The following PARPBP variants were observed in gnomAD, a reference collection of about 807,000 sequenced individuals.
PARPBP encodes the protein PCNA-interacting partner.
PARPBP carries 52 observed loss-of-function variants against 50.0 expected under a neutral mutation model. The observed-to-expected ratio is 1.04, with a 90% CI of 0.83 to 1.31. PARPBP has a LOEUF of 1.31. Ranked by LOEUF, PARPBP falls within the 50% of genes most tolerant of loss-of-function variation. The pLI is 0.00. For synonymous variants in PARPBP, 244 were observed against 232.1 expected (o/e 1.05, Z -0.47); for missense variants, 697 against 672.0 (o/e 1.04, Z -0.41).
intron 2 of PARPBP, among the ~76,000 whole-genome samples, chr12:102,142,654 C>T (rs1884791282): frequency 1.3e-5 from 2 of 152,150 alleles, no homozygotes; most frequent in East Asian, 1.9e-4. Context: ...ATGAAGGTGA[C>T]GTACAGATGA....
At chr12:102,121,812 C>T (rs1881172897) in intron 1 of PARPBP, among the ~76,000 whole-genome samples, 1 of 152,114 alleles carries the variant, frequency 6.6e-6, no homozygotes, top group Non-Finnish European at 1.5e-5. Context: ...GCTGGGATTA[C>T]AAGTGTGAAC....
At chr12:102,137,747 A>G (rs1883877835) in intron 2 of PARPBP, among the ~76,000 whole-genome samples, 1 of 151,658 alleles carries the variant, frequency 6.6e-6, no homozygotes, top group East Asian at 1.9e-4. Flanking sequence ...GAGTCAGATC[A>G]TGCAGCGTTT....
chr12:102,155,896 C>A (rs1216455872), intron 4 of PARPBP, among the ~76,000 whole-genome samples: 1 of 152,192 alleles, frequency 6.6e-6, no homozygotes, highest in Non-Finnish European at 1.5e-5. Context: ...GCCATTGTTC[C>A]TGCATGGCTA....
intron 2 of PARPBP, 99 bp from the exon 3 acceptor site, chr12:102,148,131 T>G (rs1885659687): frequency 1.8e-6 from 1 of 544,026 alleles, no homozygotes; most frequent in Non-Finnish European, 3.1e-6. Flanking sequence ...AATGTAGACT[T>G]TACCAAAATT....
chr12:102,163,044 TAAGTTG>T (rs1594564001), intron 4 of PARPBP, among the ~76,000 whole-genome samples: 1 of 152,212 alleles, frequency 6.6e-6, no homozygotes, highest in African/African-American at 2.4e-5. Flanking sequence ...GTGTGAAGTT[TAAGTTG>T]AAGTTCATGT....
chr12:102,158,282 G>C (rs1249118884), intron 4 of PARPBP, among the ~76,000 whole-genome samples: 1 of 151,814 alleles, frequency 6.6e-6, no homozygotes, highest in Non-Finnish European at 1.5e-5. Flanking sequence ...ACCAATTTAG[G>C]GGTTAGTGTA....
intron 4 of PARPBP, among the ~76,000 whole-genome samples, chr12:102,155,600 G>GC (rs879448493): frequency 3.2e-5 from 4 of 125,222 alleles, no homozygotes; most frequent in African/African-American, 5.7e-5. Context: ...ATGGTGGGGG[G>GC]GGGGGGCGGG....
rs1885725123 is a variant in PARPBP, at chr12:102,148,435, A to C, written c.359A>C (p.Asn120Thr). 3 of 1,460,690 alleles carry C rather than the reference A, an allele frequency of 2.1e-6. No homozygotes were observed. The highest frequency in any genetic ancestry group is 4.6e-5 in the East Asian group (2 of 43,638). The allele number at this position is 1,460,690 out of a possible 1,614,324, so 90.5% of individuals were successfully genotyped here. A position where few individuals can be genotyped will look rare whatever the true frequency, so the allele number is the denominator to read the frequency against. Residue 120 changes from asparagine (N) to threonine (T), a missense_variant, in exon 3 of 11, where the codon AAT (asparagine) becomes ACT (threonine). Coordinates refer to ENST00000327680, the MANE Select transcript of PARPBP (RefSeq NM_017915.5). ...CAAAAATGTAGGGCTTTGACTTCTA[A>C]TTGTGAAAATTATAACACAGTATCT... The part of the protein sequence containing the change: ...VYQKCRALTS[N>T]CENYNTVSPS...
At chr12:102,143,077 C>T (rs1884865617) in intron 2 of PARPBP, among the ~76,000 whole-genome samples, 1 of 152,190 alleles carries the variant, frequency 6.6e-6, no homozygotes, top group African/African-American at 2.4e-5. Context: ...CAGCTATGCC[C>T]CGCCCTCAGA....
chr12:102,183,998 G>A (rs369916733), intron 9 of PARPBP, among the ~76,000 whole-genome samples: 4 of 129,874 alleles, frequency 3.1e-5, no homozygotes, highest in Admixed American at 8.7e-5. Flanking sequence ...GGGAGGTGGA[G>A]ATCACACCAC....
intron 4 of PARPBP, chr12:102,155,303 CA>C: frequency 6.5e-6 from 1 of 153,280 alleles, no homozygotes; most frequent in Non-Finnish European, 1.4e-5. Flanking sequence ...AAAAACAAAA[CA>C]AAAAAACCAT....
chr12:102,152,615 G>A (rs1390881219), intron 3 of PARPBP, among the ~76,000 whole-genome samples: 1 of 151,998 alleles, frequency 6.6e-6, no homozygotes, highest in Non-Finnish European at 1.5e-5. Context: ...TTATTATCTG[G>A]TTATAAAATT....
chr12:102,183,433 T>TA (rs1445071329), intron 9 of PARPBP, among the ~76,000 whole-genome samples: 30 of 152,296 alleles, frequency 2.0e-4, no homozygotes, highest in African/African-American at 7.0e-4. Flanking sequence ...TTTTAGTTAA[T>TA]ACCTGTTTCA....
At chr12:102,133,180 A>G (rs939633087) in intron 2 of PARPBP, among the ~76,000 whole-genome samples, 2 of 152,076 alleles carry the variant, frequency 1.3e-5, no homozygotes, top group Non-Finnish European at 2.9e-5. Flanking sequence ...TTCTAGTACT[A>G]TGTTGAATAG....
Position 102,196,319 on chromosome 12 carries a change from T to C in PARPBP, c.*28T>C, listed in dbSNP as rs918591722. ...TTGTGTCTTATATGCTTTAGGTTTA[T>C]GTATCTATAAACCATTCACCAAAGA... On this transcript the variant is annotated 3_prime_UTR_variant, in exon 11 of 11. Transcript: ENST00000327680. 2.2e-6 allele frequency: 3 copies of C among 1,383,234 alleles called. No homozygotes were observed. The highest frequency in any genetic ancestry group is 3.0e-6 in the Non-Finnish European group (3 of 1,008,412). The allele number at this position is 1,383,234 out of a possible 1,614,324, so 85.7% of individuals were successfully genotyped here.
intron 3 of PARPBP, among the ~76,000 whole-genome samples, chr12:102,153,217 A>G (rs1043812587): frequency 6.6e-6 from 1 of 152,094 alleles, no homozygotes; most frequent in Non-Finnish European, 1.5e-5. Context: ...GCCTCCACCA[A>G]TCAGCAGCAA....
intron 9 of PARPBP, among the ~76,000 whole-genome samples, chr12:102,190,512 C>T (rs1371288924): frequency 3.9e-5 from 6 of 152,096 alleles, no homozygotes; most frequent in Non-Finnish European, 8.8e-5. Context: ...GAATACTCTG[C>T]CAGTAGGTCT....
intron 2 of PARPBP, among the ~76,000 whole-genome samples, chr12:102,137,501 T>G (rs1039730603): frequency 4.1e-5 from 6 of 145,916 alleles, no homozygotes; most frequent in African/African-American, 1.6e-4. Flanking sequence ...CTCTAGCAGT[T>G]ATATACTGCT....
chr12:102,140,125 G>T (rs960630321), intron 2 of PARPBP, among the ~76,000 whole-genome samples: 1 of 152,038 alleles, frequency 6.6e-6, no homozygotes, highest in African/African-American at 2.4e-5. Flanking sequence ...GAATTTTTTT[G>T]GTTGGTAGGC....
Sources: gnomAD v4.1 joint callset for allele counts (sites outside exome capture counted in the v4.1 genomes callset) on GRCh38, gnomAD v4.1.1 for gene constraint, MANE v1.5 for transcripts, NCBI Gene and HGNC (gene_info 2026-07-23, HGNC 2026-07-21) for gene names.